The following UNC5D variants were observed in gnomAD, a reference collection of about 807,000 sequenced individuals.
UNC5D encodes unc-5 netrin receptor D.
A neutral mutation model predicts 105.4 loss-of-function variants in UNC5D; 39 were observed. That is an observed-to-expected ratio of 0.37 (90% CI 0.29 to 0.48). The LOEUF is 0.48. Among genes scored for constraint, UNC5D ranks in the 20% least tolerant of loss-of-function variants. UNC5D has a pLI of 0.98. For missense variants in UNC5D, 991 were observed against 1,202.4 expected (o/e 0.82, Z 2.60); for synonymous variants, 452 against 450.4 (o/e 1.00, Z -0.04).
chr8:35,599,509 T>C lies in UNC5D; in HGVS notation c.570+3852T>C, dbSNP rs1819707747. On this transcript the variant is annotated intron_variant, in intron 4 of 16. Coordinates refer to ENST00000404895, the MANE Select transcript of UNC5D (RefSeq NM_080872.4). Reference sequence around the variant, plus strand: ...CAATTTGTTAGCTTAAAAAATAAATTTAAAAAACATGCTTCTCACATCCAG... The same window carrying C: ...CAATTTGTTAGCTTAAAAAATAAATCTAAAAAACATGCTTCTCACATCCAG... Among the ~76,000 whole-genome samples, 5 of 152,276 alleles carry C rather than the reference T, an allele frequency of 3.3e-5. No individual in the cohort carries two copies. The South Asian group carries it at 1.0e-3, about 32-fold the overall frequency.
intron 16 of UNC5D, 22 bp downstream of exon 16, chr8:35,774,499 A>G: frequency 6.2e-7 from 1 of 1,612,964 alleles, no homozygotes; most frequent in African/African-American, 1.3e-5. Context: ...CAGCTTCTGG[A>G]AGACGATGTT....
intron 1 of UNC5D, among the ~76,000 whole-genome samples, chr8:35,426,686 G>A (rs1167460767): frequency 6.6e-6 from 1 of 152,166 alleles, no homozygotes; most frequent in Non-Finnish European, 1.5e-5. Context: ...TTAAAAAGGT[G>A]ATTTTTTAAC....
intron 1 of UNC5D, among the ~76,000 whole-genome samples, chr8:35,283,801 T>A (rs200780383): frequency 2.4e-4 from 35 of 146,614 alleles, no homozygotes; most frequent in Non-Finnish European, 3.4e-4. Context: ...AGACTCCGAA[T>A]AAAAAAAAAA....
chr8:35,588,891 A>T (rs1156684214), intron 3 of UNC5D, among the ~76,000 whole-genome samples: 1 of 152,034 alleles, frequency 6.6e-6, no homozygotes, highest in Non-Finnish European at 1.5e-5. Flanking sequence ...AAATACAAAA[A>T]ATTTAGCCAG....
chr8:35,407,162 G>C (rs1407104234), intron 1 of UNC5D, among the ~76,000 whole-genome samples: 2 of 152,058 alleles, frequency 1.3e-5, no homozygotes, highest in Non-Finnish European at 2.9e-5. Context: ...ATGCTATACA[G>C]GTTTGTAACC....
In UNC5D at chr8:35,247,971, A is replaced by G. The variant is rs1236047057; in HGVS notation, c.103+12084A>G. Among the ~76,000 whole-genome samples the G allele has an allele frequency of 4.2e-3, 56 of 13,360 alleles. 3 individuals carry two copies. The highest frequency in any genetic ancestry group is 5.4e-3 in the Non-Finnish European group (49 of 9,128). The allele number at this position is 13,360 out of a possible 152,430, so 8.8% of individuals were successfully genotyped here. A position where few individuals can be genotyped will look rare whatever the true frequency, so the allele number is the denominator to read the frequency against. On this transcript the variant is annotated intron_variant, in intron 1 of 16. Transcript: ENST00000404895. ...TAATATATAAATAAATATTATATAT[A>G]AAATATATATAATATATAAATAAAT...
intron 1 of UNC5D, among the ~76,000 whole-genome samples, chr8:35,294,823 A>G (rs1366220423): frequency 6.6e-6 from 1 of 151,804 alleles, no homozygotes; most frequent in Non-Finnish European, 1.5e-5. Flanking sequence ...TTGTAATGGC[A>G]TGACTTTTCT....
chr8:35,510,557 C>T (rs1241958919), intron 1 of UNC5D, among the ~76,000 whole-genome samples: 5 of 152,086 alleles, frequency 3.3e-5, no homozygotes, highest in Non-Finnish European at 7.4e-5. Flanking sequence ...CTCTTACCAC[C>T]TCTGCCTCAT....
At position 35,482,388 on chromosome 8, in the gene UNC5D, C is replaced by T. The variant is rs182011052; in HGVS notation, c.104-66904C>T. Among the ~76,000 whole-genome samples the T allele has an allele frequency of 2.0e-5, 3 of 152,322 alleles. No homozygotes were observed. In the East Asian group the frequency reaches 5.8e-4, roughly 29 times the overall value. On this transcript the variant is annotated intron_variant, in intron 1 of 16. Transcript: ENST00000404895. ...AGCCAAAATTTGGGCACATTTCTGT[C>T]TGTCTCCGAAGCCTACGTGCTGACA...
At chr8:35,537,086 A>T (rs889677661) in intron 1 of UNC5D, among the ~76,000 whole-genome samples, 3 of 152,220 alleles carry the variant, frequency 2.0e-5, no homozygotes, top group African/African-American at 7.2e-5. Context: ...ATATACATTC[A>T]AATTATGTTT....
chr8:35,585,148 G>A (rs951343688), intron 3 of UNC5D, among the ~76,000 whole-genome samples: 2 of 152,144 alleles, frequency 1.3e-5, no homozygotes, highest in Non-Finnish European at 2.9e-5. Flanking sequence ...TGTGAACACA[G>A]GATAATGATA....
intron 1 of UNC5D, among the ~76,000 whole-genome samples, chr8:35,477,950 A>G (rs960041936): frequency 1.3e-5 from 2 of 152,196 alleles, no homozygotes; most frequent in African/African-American, 4.8e-5. Flanking sequence ...AAAAGTAAAT[A>G]GAATGGATTT....
At chr8:35,471,631 C>CTT (rs1809731764) in intron 1 of UNC5D, among the ~76,000 whole-genome samples, 1 of 152,120 alleles carries the variant, frequency 6.6e-6, no homozygotes, top group Admixed American at 6.6e-5. Flanking sequence ...CTCTTGTTAG[C>CTT]TTTTCCTTGT....
chr8:35,300,085 AGAGGACC>A (rs1231125730), intron 1 of UNC5D, among the ~76,000 whole-genome samples: 1 of 152,126 alleles, frequency 6.6e-6, no homozygotes, highest in Non-Finnish European at 1.5e-5. Flanking sequence ...AGTAGAAGGA[AGAGGACC>A]GAGGTAGTAG....
At chr8:35,564,482 C>G (rs1335242675) in intron 2 of UNC5D, among the ~76,000 whole-genome samples, 1 of 152,096 alleles carries the variant, frequency 6.6e-6, no homozygotes, top group African/African-American at 2.4e-5. Flanking sequence ...GACCGTTTGC[C>G]CAGAGAGGAA....
chr8:35,756,552 A>T (rs1466473511), intron 13 of UNC5D, among the ~76,000 whole-genome samples: 2 of 131,640 alleles, frequency 1.5e-5, no homozygotes, highest in Non-Finnish European at 3.2e-5. Flanking sequence ...ATGAGTCTTT[A>T]AAAAAAAAAA....
At chr8:35,476,076 G>A (rs1241864735) in intron 1 of UNC5D, among the ~76,000 whole-genome samples, 7 of 152,224 alleles carry the variant, frequency 4.6e-5, no homozygotes, top group Non-Finnish European at 7.4e-5. Context: ...AACATCTCTC[G>A]CTCTGGATTT....
chr8:35,583,080 AGTG>A (rs2130849714), intron 3 of UNC5D, among the ~76,000 whole-genome samples: 1 of 152,296 alleles, frequency 6.6e-6, no homozygotes, highest in African/African-American at 2.4e-5. Flanking sequence ...GGCTGGGTGC[AGTG>A]GCTCATGACT....
chr8:35,637,146 A>G (rs1460626802), intron 4 of UNC5D, among the ~76,000 whole-genome samples: 1 of 152,130 alleles, frequency 6.6e-6, no homozygotes, highest in South Asian at 2.1e-4. Flanking sequence ...GTGGTTCCTA[A>G]TTATTAGCAC....
Sources: gnomAD v4.1 joint callset for allele counts (sites outside exome capture counted in the v4.1 genomes callset) on GRCh38, gnomAD v4.1.1 for gene constraint, MANE v1.5 for transcripts, NCBI Gene and HGNC (gene_info 2026-07-23, HGNC 2026-07-21) for gene names.